The following CR1L variants were observed in gnomAD, a reference collection of about 807,000 sequenced individuals.
The protein encoded by CR1L is complement C3b/C4b receptor 1 like.
A neutral mutation model predicts 62.3 loss-of-function variants in CR1L; 59 were observed. That is an observed-to-expected ratio of 0.95 (90% confidence interval 0.77 to 1.18). CR1L has a LOEUF of 1.18. CR1L is among the 50% of genes most tolerant of loss of function. The probability of loss-of-function intolerance (pLI) is 0.00; values close to 1 mark genes in which losing one functional copy is unlikely to be tolerated. For synonymous variants in CR1L, 279 were observed against 248.7 expected (o/e 1.12, Z -1.15); for missense variants, 700 against 702.8 (o/e 1.00, Z 0.04).
At chr1:207,690,176 A>G (rs1663976124) in intron 4 of CR1L, among the ~76,000 whole-genome samples, 1 of 152,048 alleles carries the variant, frequency 6.6e-6, no homozygotes, top group African/African-American at 2.4e-5. Context: ...TAAATTCTTG[A>G]TATTGATTAG....
chr1:207,708,293 C>A, intron 10 of CR1L, 30 bp downstream of exon 10: 2 of 1,607,122 alleles, frequency 1.2e-6, no homozygotes, highest in African/African-American at 1.3e-5. Flanking sequence ...CCCATTCACC[C>A]CACCATTTAA....
intron 3 of CR1L, 139 bp downstream of exon 3, chr1:207,678,436 T>A: frequency 7.0e-6 from 5 of 717,718 alleles, no homozygotes; most frequent in Non-Finnish European, 1.1e-5. Flanking sequence ...GGTGCTTAGC[T>A]CCTGACTGAA....
chr1:207,694,860 A>G (rs41308427), intron 5 of CR1L, 109 bp downstream of exon 5: 80,220 of 1,555,764 alleles, frequency 0.052, 2,482 homozygotes, highest in South Asian at 0.11. Flanking sequence ...CAGGGTCGAG[A>G]AGCAAATTTT....
chr1:207,663,454 T>C (rs1176469446), intron 1 of CR1L, among the ~76,000 whole-genome samples: 1 of 152,204 alleles, frequency 6.6e-6, no homozygotes, highest in African/African-American at 2.4e-5. Context: ...ATGTGCGGGA[T>C]ATAATCTCCT....
At chr1:207,661,327 C>A (rs1663417404) in intron 1 of CR1L, among the ~76,000 whole-genome samples, 1 of 152,102 alleles carries the variant, frequency 6.6e-6, no homozygotes, top group Admixed American at 6.5e-5. Flanking sequence ...TCTGGGTGCT[C>A]CTGTATTGGG....
intron 1 of CR1L, among the ~76,000 whole-genome samples, chr1:207,660,592 C>G (rs528476404): frequency 2.5e-4 from 38 of 152,202 alleles, no homozygotes; most frequent in African/African-American, 8.7e-4. Context: ...TTTCAAAAAA[C>G]CAGCTCCTGG....
intron 9 of CR1L, among the ~76,000 whole-genome samples, chr1:207,705,571 G>T (rs1378745960): frequency 6.6e-6 from 1 of 152,186 alleles, no homozygotes; most frequent in African/African-American, 2.4e-5. Context: ...ATATTTGCCA[G>T]CCTAGGCTTC....
Position 207,708,274 on chromosome 1 carries a change from A to G in CR1L, c.1414+11A>G, listed in dbSNP as rs186942279. The G allele has an allele frequency of 2.0e-5, 32 of 1,610,712 alleles. No homozygotes were observed. The highest frequency in any genetic ancestry group is 2.6e-5 in the Non-Finnish European group (31 of 1,178,982). ...CACCAATTTGTCAACGTGAGTTGAA[A>G]TCTCTTTCCCCATTCACCCCACCAT... On this transcript the variant is annotated intron_variant, in intron 10 of 11. Transcript: ENST00000508064.
intron 7 of CR1L, 148 bp from the exon 8 acceptor site, chr1:207,699,041 T>G: frequency 1.0e-6 from 1 of 969,866 alleles, no homozygotes; most frequent in Non-Finnish European, 1.6e-6. Flanking sequence ...GAGGCTGTGA[T>G]TTTTCCAGAA....
rs373948496 is a variant in CR1L at position 207,697,525 on chromosome 1, C to T, written c.885C>T (p.Val295=). 4 of 1,613,640 alleles carry T rather than the reference C, an allele frequency of 2.5e-6. No homozygotes were observed. The African/African-American group carries it at 5.3e-5, about 22-fold the overall frequency. ...CSRVCQPPPD[V]LHAERTQRDK... ...CAGTATGTCAGCCACCTCCAGATGT[C>T]CTGCATGCTGAGCGTACCCAAAGGG... The change falls in exon 6 of 12, where the codon GTC becomes GTT. Residue 295 remains valine (V), a synonymous_variant. Coordinates refer to ENST00000508064, the MANE Select transcript of CR1L (RefSeq NM_175710.2).
At chr1:207,673,463 C>A (rs760727901) in intron 1 of CR1L, among the ~76,000 whole-genome samples, 2 of 152,178 alleles carry the variant, frequency 1.3e-5, no homozygotes, top group African/African-American at 4.8e-5. Flanking sequence ...GAGTGTACTT[C>A]GGGTTGACAG....
intron 9 of CR1L, among the ~76,000 whole-genome samples, chr1:207,705,841 A>G (rs1422537196): frequency 2.0e-5 from 3 of 152,032 alleles, no homozygotes; most frequent in African/African-American, 7.2e-5. Context: ...ATTTACTGCC[A>G]GGAAACCAGG....
intron 10 of CR1L, among the ~76,000 whole-genome samples, chr1:207,712,384 G>T (rs893370963): frequency 8.5e-5 from 13 of 152,196 alleles, no homozygotes; most frequent in African/African-American, 3.1e-4. Context: ...TAGATTTACA[G>T]GTGAATTTTG....
intron 1 of CR1L, among the ~76,000 whole-genome samples, chr1:207,646,280 CA>C (rs546503817): frequency 9.9e-4 from 151 of 152,218 alleles, no homozygotes; most frequent in Non-Finnish European, 1.4e-3. Context: ...CACTGGTAGC[CA>C]AACCTAGTGA....
At chr1:207,669,369 C>G (rs1031778658) in intron 1 of CR1L, 2 of 963,214 alleles carry the variant, frequency 2.1e-6, no homozygotes, top group African/African-American at 3.4e-5. Flanking sequence ...TTGGTCACTC[C>G]TCTTTGCACT....
intron 2 of CR1L, among the ~76,000 whole-genome samples, 182 bp from the exon 3 acceptor site, chr1:207,678,016 C>T (rs12125256): frequency 0.36 from 55,413 of 151,900 alleles, 10,270 homozygotes; most frequent in Non-Finnish European, 0.4. Context: ...GAAAGGAAAG[C>T]TTTTTTTGAA....
At chr1:207,721,768 C>T (rs1188859310) in intron 11 of CR1L, among the ~76,000 whole-genome samples, 2 of 151,810 alleles carry the variant, frequency 1.3e-5, no homozygotes, top group Non-Finnish European at 2.9e-5. Context: ...AATCGCCACA[C>T]TGACATCCAC....
rs1654035649 is a variant in CR1L at position 207,717,659 on chromosome 1, C to G, written c.1610C>G (p.Pro537Arg). 1.2e-6 allele frequency: 2 copies of G among 1,613,892 alleles called. No homozygotes were observed. Among genetic ancestry groups the G allele is most frequent in the Admixed American group, 3.3e-5 (2 of 59,996 alleles). ...EPHGNGVWSS[P>R]APRCELPVGA... ...CATGGGAATGGGGTTTGGAGCAGCC[C>G]TGCCCCTCGCTGTGAACTTCCTGTT... is the stretch of plus-strand genomic sequence containing the variant. Residue 537 changes from proline to arginine, a missense_variant, in exon 11 of 12, where the codon CCT (proline) becomes CGT (arginine). By Grantham distance (103) the Pro-to-Arg change is moderately radical (BLOSUM62 -2). Transcript: ENST00000508064.
At chr1:207,647,753 G>C (rs895705088) in intron 1 of CR1L, among the ~76,000 whole-genome samples, 10 of 152,200 alleles carry the variant, frequency 6.6e-5, no homozygotes, top group African/African-American at 2.4e-4. Flanking sequence ...AGCAGCAGCT[G>C]AGGGCCAGAA....
Sources: allele counts gnomAD v4.1 joint callset (sites outside exome capture counted in the v4.1 genomes callset), GRCh38; gene constraint gnomAD v4.1.1; transcripts MANE v1.5; gene names NCBI Gene and HGNC (gene_info 2026-07-23, HGNC 2026-07-21).